UBE3B: variants seen among roughly 807,000 people sequenced by gnomAD.
The protein encoded by UBE3B is ubiquitin protein ligase E3B, also known as ubiquitin-protein ligase E3B.
Under a neutral mutation model 132.3 loss-of-function variants are expected in UBE3B, and 80 were observed. That is an observed-to-expected ratio of 0.60 (90% CI 0.50 to 0.73). The LOEUF (loss-of-function observed/expected upper bound fraction) is 0.73. Ranked by LOEUF, UBE3B falls within the 30% of genes least tolerant of loss-of-function variation. The pLI, the probability that UBE3B is intolerant of heterozygous loss-of-function variation, is 0.00. For missense variants in UBE3B, 1,196 were observed against 1,362.5 expected (o/e 0.88, Z 1.92); for synonymous variants, 487 against 520.4 (o/e 0.94, Z 0.87).
the UBE3B span, among the ~76,000 whole-genome samples, chr12:109,546,028 A>G: frequency 6.6e-6 from 1 of 152,186 alleles, no homozygotes; most frequent in Admixed American, 6.5e-5. Context: ...ATGTCCCAAC[A>G]GGCTGCAGCC....
At chr12:109,507,795 G>T in intron 15 of UBE3B, 60 bp downstream of exon 15, 1 of 1,545,694 alleles carries the variant, frequency 6.5e-7, no homozygotes, top group Non-Finnish European at 8.8e-7. Context: ...CCAAAATACA[G>T]TGTCAGTAAG....
chr12:109,507,537 G>A, intron 14 of UBE3B, 27 bp from the exon 15 acceptor site: 2 of 1,603,078 alleles, frequency 1.2e-6, no homozygotes, highest in Non-Finnish European at 1.7e-6. Context: ...TCCACCTGAA[G>A]CTTGGGTTTC....
At position 109,534,046 on chromosome 12, in the gene UBE3B, A is replaced by C; in HGVS notation, c.3015+488A>C. On this transcript the variant is annotated intron_variant, in intron 27 of 27. Transcript: ENST00000342494. The surrounding 1 kb of genome is among the most constrained non-coding windows in gnomAD (Gnocchi z 5.2). ...GCTCTGTGTGTCTCAAGCCTGGCCC[A>C]CTGTGGGTGCTCAAATGAGAGTCCT... is the stretch of plus-strand genomic sequence containing the variant. The C allele has an allele frequency of 7.7e-7, 1 of 1,294,602 alleles. No homozygotes were observed. The highest frequency in any genetic ancestry group is 1.0e-6 in the Non-Finnish European group (1 of 992,698). The allele number at this position is 1,294,602 out of a possible 1,614,324, so 80.2% of individuals were successfully genotyped here. A position where few individuals can be genotyped will look rare whatever the true frequency, so the allele number is the denominator to read the frequency against.
At chr12:109,528,258 C>T (rs951584043) in intron 24 of UBE3B, 4 of 851,882 alleles carry the variant, frequency 4.7e-6, no homozygotes, top group South Asian at 5.4e-5. Context: ...CCCATACTCT[C>T]TTCTCTCGTA....
In UBE3B at chr12:109,522,560, C is replaced by T. The variant is rs924897284; in HGVS notation, c.2364+1009C>T. Among the ~76,000 whole-genome samples the T allele has an allele frequency of 1.3e-5, 2 of 152,232 alleles. No homozygotes were observed. The highest frequency in any genetic ancestry group is 2.4e-5 in the African/African-American group (1 of 41,458). On this transcript the variant is annotated intron_variant, in intron 21 of 27. Transcript: ENST00000342494. The surrounding 1 kb of genome is among the most constrained non-coding windows in gnomAD (Gnocchi z 4.2). ...AGCGAGCCACCTGGGCAGCACTCCT[C>T]GCATACCCCAGGAACCTGGAGAAGC... is the stretch of plus-strand genomic sequence containing the variant.
chr12:109,546,587 A>T, the UBE3B span, among the ~76,000 whole-genome samples: 30 of 152,346 alleles, frequency 2.0e-4, no homozygotes, highest in African/African-American at 7.2e-4. Context: ...GGAAATTCAG[A>T]GAAAATTCAG....
intron 16 of UBE3B, 22 bp downstream of exon 16, chr12:109,509,736 G>C: frequency 6.5e-7 from 1 of 1,529,082 alleles, no homozygotes; most frequent in Non-Finnish European, 8.9e-7. Flanking sequence ...GGTGTCTGCT[G>C]TTGTTTGGTT....
At chr12:109,542,155 A>G in the UBE3B span, among the ~76,000 whole-genome samples, 1 of 152,188 alleles carries the variant, frequency 6.6e-6, no homozygotes, top group African/African-American at 2.4e-5. Flanking sequence ...TGAGGGGGTG[A>G]AAAGGAGAAT....
chr12:109,504,827 C>T (rs1285337664), intron 14 of UBE3B, among the ~76,000 whole-genome samples: 5 of 147,816 alleles, frequency 3.4e-5, no homozygotes, highest in Non-Finnish European at 7.4e-5. Flanking sequence ...TTTTTCGAGA[C>T]GGAGTCTCAC....
At chr12:109,533,336 C>A in intron 26 of UBE3B, 130 bp from the exon 27 acceptor site, 1 of 860,184 alleles carries the variant, frequency 1.2e-6, no homozygotes, top group Non-Finnish European at 1.9e-6. Flanking sequence ...CCCGCCACTC[C>A]ATACGGCTGG....
At chr12:109,531,972 C>T (rs1042651024) in intron 26 of UBE3B, among the ~76,000 whole-genome samples, 1 of 151,982 alleles carries the variant, frequency 6.6e-6, no homozygotes, top group Non-Finnish European at 1.5e-5. Context: ...TGCATACAGG[C>T]CCCAGAGCCA....
chr12:109,484,075 G>A (rs1251832178), intron 4 of UBE3B, 94 bp downstream of exon 4: 10 of 1,305,310 alleles, frequency 7.7e-6, no homozygotes, highest in East Asian at 5.1e-5. Flanking sequence ...AGCTTTATGA[G>A]GTAATTACTG....
intron 24 of UBE3B, among the ~76,000 whole-genome samples, chr12:109,527,200 C>T (rs1010677013): frequency 2.6e-5 from 4 of 152,162 alleles, no homozygotes; most frequent in Non-Finnish European, 5.9e-5. Flanking sequence ...GACTCTGAGG[C>T]CCAGCAACTA....
At chr12:109,496,244 A>G (rs1371323919) in intron 9 of UBE3B, among the ~76,000 whole-genome samples, 1 of 152,236 alleles carries the variant, frequency 6.6e-6, no homozygotes, top group Non-Finnish European at 1.5e-5. Flanking sequence ...ATGGATCAGT[A>G]CTTCATGCAT....
the UBE3B span, among the ~76,000 whole-genome samples, chr12:109,547,703 C>T: frequency 2.0e-5 from 3 of 152,336 alleles, no homozygotes; most frequent in African/African-American, 4.8e-5. The surrounding 1 kb of genome is among the most constrained non-coding windows in gnomAD (Gnocchi z 4.1). Flanking sequence ...CTCCCCCAAA[C>T]CCCAACACAC....
At chr12:109,488,177 C>T (rs1876836765) in intron 6 of UBE3B, among the ~76,000 whole-genome samples, 1 of 152,232 alleles carries the variant, frequency 6.6e-6, no homozygotes, top group Admixed American at 6.5e-5. Context: ...TAAGCTCACA[C>T]AGCTAGTAAG....
chr12:109,491,114 T>A lies in UBE3B; in HGVS notation c.700T>A (p.Ser234Thr). 1 of 1,614,088 alleles carries A rather than the reference T, an allele frequency of 6.2e-7. No homozygotes were observed. The highest frequency in any genetic ancestry group is 1.7e-5 in the Admixed American group (1 of 60,022). Residue 234 changes from serine to threonine, a missense_variant, in exon 9 of 28, where the codon TCT becomes ACT. Physicochemically the swap from Ser to Thr is moderately conservative, Grantham distance 58. Transcript: ENST00000342494. ...CAAAGGCACTTTAACAGCAGCTTTTTCTCTAGCGTTACGGTGAGTAAGAAA... is the reference window on the plus strand; with the variant it reads ...CAAAGGCACTTTAACAGCAGCTTTTACTCTAGCGTTACGGTGAGTAAGAAA... ...LSKGTLTAAF[S>T]LALRPVIAAQ...
intron 18 of UBE3B, among the ~76,000 whole-genome samples, chr12:109,512,298 A>G (rs894445293): frequency 3.9e-5 from 6 of 152,248 alleles, no homozygotes; most frequent in African/African-American, 1.4e-4. Context: ...AGTCCAGGGC[A>G]CTGAGGCAGA....
intron 9 of UBE3B, among the ~76,000 whole-genome samples, chr12:109,497,464 T>C (rs1360963911): frequency 6.6e-6 from 1 of 152,208 alleles, no homozygotes; most frequent in Non-Finnish European, 1.5e-5. Context: ...AAATCGATTA[T>C]ACCAGCACTC....
Sources: allele counts gnomAD v4.1 joint callset (sites outside exome capture counted in the v4.1 genomes callset), GRCh38; gene constraint gnomAD v4.1.1; non-coding constraint Gnocchi (gnomAD v3.1); transcripts MANE v1.5; gene names NCBI Gene and HGNC (gene_info 2026-07-23, HGNC 2026-07-21).